KSR2: variants seen among roughly 807,000 people sequenced by gnomAD.
KSR2 encodes the protein kinase suppressor of ras 2.
KSR2 carries 25 observed loss-of-function variants against 107.8 expected under a neutral mutation model. The observed-to-expected ratio is 0.23, with a 90% confidence interval of 0.17 to 0.32. The LOEUF is 0.32. Among genes scored for constraint, KSR2 ranks in the 10% least tolerant of loss-of-function variants. KSR2 has a pLI of 1.00. For synonymous variants in KSR2, 480 were observed against 507.0 expected (o/e 0.95, Z 0.71); for missense variants, 887 against 1,268.9 (o/e 0.70, Z 4.57).
chr12:117,500,018 C>T (rs1031127253), intron 14 of KSR2, among the ~76,000 whole-genome samples: 12 of 152,004 alleles, frequency 7.9e-5, no homozygotes, highest in Non-Finnish European at 1.3e-4. Context: ...TGGTCAGGTC[C>T]GTTGCTTGGT....
chr12:117,883,028 C>T (rs557335879), intron 1 of KSR2, among the ~76,000 whole-genome samples: 2 of 152,148 alleles, frequency 1.3e-5, no homozygotes, highest in South Asian at 4.2e-4. Context: ...TTCATCCAAC[C>T]ACTCATCCAT....
In KSR2 at chr12:117,841,364, G is replaced by A. The variant is rs544000074; in HGVS notation, c.472+14064C>T. Among the ~76,000 whole-genome samples, 22 of 152,276 alleles carry A rather than the reference G, an allele frequency of 1.4e-4. 1 individual carries two copies. The highest frequency in any genetic ancestry group is 2.6e-4 in the Non-Finnish European group (18 of 68,028). ...CATCCTCCCTCAGGACCGTGGCTGG[G>A]AAGGACAGAGATACTGATGGAGAGT... On this transcript the variant is annotated intron_variant, in intron 3 of 19. Transcript: ENST00000339824.
At chr12:117,539,128 C>G (rs914362999) in intron 10 of KSR2, among the ~76,000 whole-genome samples, 1 of 152,182 alleles carries the variant, frequency 6.6e-6, no homozygotes. Flanking sequence ...GCTAGAGGAA[C>G]CTTCCAGATT....
chr12:117,719,045 C>T (rs1194480986), intron 4 of KSR2, among the ~76,000 whole-genome samples: 2 of 152,176 alleles, frequency 1.3e-5, no homozygotes, highest in African/African-American at 4.8e-5. Flanking sequence ...TTAAATTTTA[C>T]TATGCAAAGC....
At chr12:117,863,658 G>A (rs570859955) in intron 1 of KSR2, among the ~76,000 whole-genome samples, 3 of 152,198 alleles carry the variant, frequency 2.0e-5, no homozygotes, top group East Asian at 3.9e-4. Context: ...CATACTAAGT[G>A]GCTAAAAACA....
intron 1 of KSR2, among the ~76,000 whole-genome samples, chr12:117,925,354 C>A (rs1895482395): frequency 6.6e-6 from 1 of 151,730 alleles, no homozygotes; most frequent in East Asian, 1.9e-4. Context: ...GAACTCCTGG[C>A]CTCAAGCAGT....
chr12:117,913,826 C>T (rs1895095361), intron 1 of KSR2, among the ~76,000 whole-genome samples: 1 of 152,080 alleles, frequency 6.6e-6, no homozygotes, highest in South Asian at 2.1e-4. Context: ...GAAATTAACA[C>T]ACATACCTCT....
chr12:117,791,280 C>T (rs913075011), intron 3 of KSR2, among the ~76,000 whole-genome samples: 4 of 152,176 alleles, frequency 2.6e-5, no homozygotes, highest in African/African-American at 9.7e-5. Flanking sequence ...CCTTAGCCTA[C>T]ATGTCACCTT....
At chr12:117,693,355 A>G (rs1424414870) in intron 4 of KSR2, among the ~76,000 whole-genome samples, 1 of 152,252 alleles carries the variant, frequency 6.6e-6, no homozygotes, top group Non-Finnish European at 1.5e-5. Context: ...TGAACCACCT[A>G]TGGGCCACAA....
At chr12:117,928,116 T>A (rs1180694454) in intron 1 of KSR2, among the ~76,000 whole-genome samples, 1 of 152,050 alleles carries the variant, frequency 6.6e-6, no homozygotes, top group East Asian at 1.9e-4. Flanking sequence ...CTTCTTTCAC[T>A]CAGCATCATG....
chr12:117,481,847 C>T (rs1198776067), intron 16 of KSR2, among the ~76,000 whole-genome samples: 1 of 152,164 alleles, frequency 6.6e-6, no homozygotes, highest in Non-Finnish European at 1.5e-5. Context: ...GGGGTGTCTC[C>T]TGGCCTCTGG....
chr12:117,753,986 G>A (rs932426433), intron 4 of KSR2, among the ~76,000 whole-genome samples: 27 of 136,828 alleles, frequency 2.0e-4, no homozygotes, highest in African/African-American at 6.5e-4. Flanking sequence ...GTGTGTGTGT[G>A]TGTGTGTGTG....
At chr12:117,865,920 T>G (rs984894480) in intron 1 of KSR2, among the ~76,000 whole-genome samples, 3 of 152,288 alleles carry the variant, frequency 2.0e-5, no homozygotes, top group Non-Finnish European at 2.9e-5. Flanking sequence ...TAGCGAGCAC[T>G]TTCTTCTCTG....
intron 17 of KSR2, among the ~76,000 whole-genome samples, chr12:117,474,124 T>A (rs889629818): frequency 6.6e-6 from 1 of 152,178 alleles, no homozygotes; most frequent in Admixed American, 6.5e-5. Flanking sequence ...AAAAGCCTCA[T>A]TAAAACTTCC....
rs528391165 is a variant in KSR2 at position 117,517,639 on chromosome 12, G to A, written c.2219+7213C>T. ...GATAATGATGCTGTACATTTATAGC[G>A]CTTCCTTCACAAAAGTCCCAGGGTG... On this transcript the variant is annotated intron_variant, in intron 14 of 19. Coordinates refer to ENST00000339824, the MANE Select transcript of KSR2 (RefSeq NM_173598.6). 11 of 351,392 alleles carry A rather than the reference G, an allele frequency of 3.1e-5. No individual in the cohort carries two copies. The Middle Eastern group carries it at 5.6e-3, about 178-fold the overall frequency. The allele number at this position is 351,392 out of a possible 1,614,324, so 21.8% of individuals were successfully genotyped here. A position where few individuals can be genotyped will look rare whatever the true frequency, so the allele number is the denominator to read the frequency against.
chr12:117,860,875 T>A (rs1257410048), intron 1 of KSR2, among the ~76,000 whole-genome samples: 1 of 151,836 alleles, frequency 6.6e-6, no homozygotes, highest in African/African-American at 2.4e-5. Context: ...CGCGCCACCA[T>A]GCCTGGCTAA....
intron 3 of KSR2, among the ~76,000 whole-genome samples, chr12:117,844,206 C>A (rs1169696983): frequency 2.0e-5 from 3 of 151,986 alleles, no homozygotes; most frequent in Non-Finnish European, 4.4e-5. Flanking sequence ...AACACCCACT[C>A]AACAACTAGT....
intron 1 of KSR2, among the ~76,000 whole-genome samples, chr12:117,885,811 C>A (rs868379390): frequency 7.9e-5 from 12 of 151,934 alleles, no homozygotes; most frequent in African/African-American, 2.9e-4. Flanking sequence ...ATGTAACAAA[C>A]CTGGCCGGGC....
intron 3 of KSR2, among the ~76,000 whole-genome samples, chr12:117,806,196 G>A (rs1891000349): frequency 6.6e-6 from 1 of 152,142 alleles, no homozygotes; most frequent in Non-Finnish European, 1.5e-5. Flanking sequence ...TAGGAATATG[G>A]GATTCCGGAG....
Sources: gnomAD v4.1 joint callset for allele counts (sites outside exome capture counted in the v4.1 genomes callset) on GRCh38, gnomAD v4.1.1 for gene constraint, MANE v1.5 for transcripts, NCBI Gene and HGNC (gene_info 2026-07-23, HGNC 2026-07-21) for gene names.